The following GAS2 variants were observed in gnomAD, a reference collection of about 807,000 sequenced individuals.
The protein encoded by GAS2 is growth arrest-specific protein 2.
In GAS2, 20 loss-of-function variants were observed where a neutral mutation model predicts 37.5. That is an observed-to-expected ratio of 0.53 (90% CI 0.37 to 0.77). The LOEUF is 0.77. Among genes scored for constraint, GAS2 ranks in the 30% least tolerant of loss-of-function variants. The pLI is 0.00. For synonymous variants in GAS2, 144 were observed against 132.2 expected, an observed-to-expected ratio of 1.09 and a Z score of -0.61; for missense variants, 336 against 373.4, an observed-to-expected ratio of 0.90 and a Z score of 0.82.
At chr11:22,730,739 G>A (rs1852430761) in intron 4 of GAS2, among the ~76,000 whole-genome samples, 1 of 151,606 alleles carries the variant, frequency 6.6e-6, no homozygotes, top group Non-Finnish European at 1.5e-5. Flanking sequence ...TATTTTATAA[G>A]AAATTAACTT....
chr11:22,721,633 G>C (rs1455692253), intron 3 of GAS2, among the ~76,000 whole-genome samples: 1 of 151,998 alleles, frequency 6.6e-6, no homozygotes, highest in African/African-American at 2.4e-5. Flanking sequence ...AATTTAAGTT[G>C]ATAAATGAAA....
intron 1 of GAS2, among the ~76,000 whole-genome samples, chr11:22,641,234 A>ATG (rs1359479789): frequency 4.0e-4 from 58 of 144,624 alleles, no homozygotes; most frequent in Non-Finnish European, 7.2e-4. Context: ...GTGTGTATAT[A>ATG]TATATGTGTA....
At chr11:22,752,857 T>C (rs1853820442) in intron 6 of GAS2, among the ~76,000 whole-genome samples, 1 of 152,058 alleles carries the variant, frequency 6.6e-6, no homozygotes, top group African/African-American at 2.4e-5. Flanking sequence ...AAAAAATAGG[T>C]GACCCTTTAT....
intron 7 of GAS2, among the ~76,000 whole-genome samples, chr11:22,763,610 T>TAC (rs1482270791): frequency 1.5e-4 from 13 of 84,628 alleles, no homozygotes; most frequent in African/African-American, 2.6e-4. Flanking sequence ...TTTAAAAAAA[T>TAC]ACACATACAC....
chr11:22,649,660 C>T (rs190123458), intron 1 of GAS2, among the ~76,000 whole-genome samples: 2,002 of 152,238 alleles, frequency 0.013, 32 homozygotes, highest in South Asian at 0.054. Context: ...GCGTATGTGT[C>T]GAGGAATGTA....
chr11:22,742,528 G>A (rs779037850), intron 5 of GAS2, among the ~76,000 whole-genome samples: 125 of 152,208 alleles, frequency 8.2e-4, no homozygotes, highest in Middle Eastern at 3.4e-3. Flanking sequence ...CCAGTGAATC[G>A]TATTTAAGTA....
At chr11:22,713,064 C>CAAAAAAAAAAA (rs61240215) in intron 3 of GAS2, among the ~76,000 whole-genome samples, 1 of 112,058 alleles carries the variant, frequency 8.9e-6, no homozygotes, top group Non-Finnish European at 1.9e-5. Flanking sequence ...GAGACTGTGT[C>CAAAAAAAAAAA]AAAAAAAAAA....
At chr11:22,704,807 A>G (rs922688281) in intron 3 of GAS2, among the ~76,000 whole-genome samples, 1 of 151,714 alleles carries the variant, frequency 6.6e-6, no homozygotes, top group Non-Finnish European at 1.5e-5. Context: ...TACTTATCTA[A>G]TGAATGTGTA....
intron 7 of GAS2, among the ~76,000 whole-genome samples, chr11:22,797,962 A>G (rs577223146): frequency 7.9e-5 from 12 of 152,094 alleles, no homozygotes; most frequent in Non-Finnish European, 1.3e-4. Flanking sequence ...CTGTGGAAAG[A>G]CCTTTAAAAA....
intron 7 of GAS2, among the ~76,000 whole-genome samples, chr11:22,766,376 T>C (rs867087247): frequency 2.6e-5 from 4 of 152,170 alleles, no homozygotes; most frequent in East Asian, 1.9e-4. Flanking sequence ...AAGCCTTTAT[T>C]TGAATTTAAT....
intron 2 of GAS2, among the ~76,000 whole-genome samples, chr11:22,679,013 A>G (rs1849558166): frequency 6.6e-6 from 1 of 152,082 alleles, no homozygotes; most frequent in African/African-American, 2.4e-5. Flanking sequence ...TGTAATGTTA[A>G]CTAGTTAAAA....
chr11:22,770,719 T>C (rs983679012), intron 7 of GAS2, among the ~76,000 whole-genome samples: 2 of 152,252 alleles, frequency 1.3e-5, no homozygotes, highest in African/African-American at 4.8e-5. Context: ...AAAGTATATA[T>C]GTCTCAAATA....
At chr11:22,658,790 C>CT (rs1432550004) in intron 1 of GAS2, among the ~76,000 whole-genome samples, 4 of 152,080 alleles carry the variant, frequency 2.6e-5, no homozygotes, top group Non-Finnish European at 5.9e-5. Context: ...ATCTCCCTGA[C>CT]TTTTATCTCC....
intron 7 of GAS2, among the ~76,000 whole-genome samples, chr11:22,775,293 T>C (rs1855200408): frequency 1.3e-5 from 2 of 151,962 alleles, no homozygotes. Context: ...GCTTGGAGAG[T>C]GTGGAGGTCA....
chr11:22,658,010 G>C (rs1028515875), intron 1 of GAS2, among the ~76,000 whole-genome samples: 1 of 150,542 alleles, frequency 6.6e-6, no homozygotes, highest in Admixed American at 6.6e-5. Flanking sequence ...GTAGGCAACT[G>C]AACACAATTT....
At chr11:22,797,730 T>A (rs775017943) in intron 7 of GAS2, among the ~76,000 whole-genome samples, 4 of 152,096 alleles carry the variant, frequency 2.6e-5, no homozygotes, top group Admixed American at 6.6e-5. Context: ...TAATAAGATT[T>A]CATTTTTGAA....
At chr11:22,730,329 G>T (rs971965205) in intron 4 of GAS2, among the ~76,000 whole-genome samples, 14 of 151,598 alleles carry the variant, frequency 9.2e-5, no homozygotes, top group Admixed American at 7.9e-4. Flanking sequence ...GATGCAATTG[G>T]ACCAATTAGC....
intron 7 of GAS2, among the ~76,000 whole-genome samples, chr11:22,805,605 C>G (rs1197457107): frequency 3.9e-5 from 6 of 152,056 alleles, no homozygotes; most frequent in African/African-American, 1.4e-4. Flanking sequence ...TCTTTAGATT[C>G]CACATATGAG....
intron 7 of GAS2, among the ~76,000 whole-genome samples, chr11:22,798,402 C>T (rs1487343727): frequency 6.6e-6 from 1 of 151,876 alleles, no homozygotes; most frequent in Non-Finnish European, 1.5e-5. Flanking sequence ...GAAACTGAGA[C>T]ACAGATTAAA....
Sources: allele counts gnomAD v4.1 joint callset (sites outside exome capture counted in the v4.1 genomes callset), GRCh38; gene constraint gnomAD v4.1.1; transcripts MANE v1.5; gene names NCBI Gene and HGNC (gene_info 2026-07-23, HGNC 2026-07-21).